The following KAZN variants were observed in gnomAD, a reference collection of about 807,000 sequenced individuals.
KAZN encodes the protein kazrin.
Under a neutral mutation model 87.4 loss-of-function variants are expected in KAZN, and 40 were observed. The observed-to-expected ratio is 0.46, with a 90% confidence interval of 0.36 to 0.60. KAZN has a LOEUF of 0.60. KAZN is among the 20% of genes least tolerant of loss of function. KAZN has a pLI of 0.00. For missense variants in KAZN, 898 were observed against 1,073.9 expected (o/e 0.84, Z 2.29); for synonymous variants, 466 against 458.3 (o/e 1.02, Z -0.22).
intron 1 of KAZN, among the ~76,000 whole-genome samples, chr1:13,963,838 G>A (rs1408804818): frequency 6.6e-6 from 1 of 151,420 alleles, no homozygotes; most frequent in Non-Finnish European, 1.5e-5. Context: ...TATACTGGAT[G>A]TCATAATAGG....
At chr1:14,075,810 G>A (rs901057222) in intron 1 of KAZN, among the ~76,000 whole-genome samples, 7 of 152,104 alleles carry the variant, frequency 4.6e-5, no homozygotes, top group Admixed American at 4.6e-4. Flanking sequence ...AGCATCCTTG[G>A]CCTCTGCCCA....
At chr1:14,724,646 T>C (rs545126932) in intron 1 of KAZN, among the ~76,000 whole-genome samples, 3 of 152,362 alleles carry the variant, frequency 2.0e-5, no homozygotes, top group East Asian at 1.9e-4. Context: ...TATTCCTACT[T>C]GGTGTTCCCA....
chr1:13,988,693 G>A lies in KAZN; in HGVS notation c.91+94937G>A, dbSNP rs1639137077. Among the ~76,000 whole-genome samples, 2 of 152,170 alleles carry A rather than the reference G, an allele frequency of 1.3e-5. 1 individual carries two copies. The highest frequency in any genetic ancestry group is 4.1e-4 in the South Asian group (2 of 4,834). ...TGTGAGTAGGAAGACATGGGAATGG[G>A]CTTGGTGAGCATGTAACAAGTCTCT... On this transcript the variant is annotated intron_variant, in intron 1 of 16. Coordinates refer to the KAZN transcript ENST00000636203.
chr1:14,357,639 T>C (rs1351315049), intron 2 of KAZN, among the ~76,000 whole-genome samples: 1 of 152,218 alleles, frequency 6.6e-6, no homozygotes. Context: ...CGAAGCGGTG[T>C]TGAATTTTAT....
rs1216800252 is a variant in KAZN at position 15,103,409 on chromosome 1, G to A, written c.1830G>A (p.Val610=). The A allele has an allele frequency of 6.4e-7, 1 of 1,552,470 alleles. No individual in the cohort carries two copies. The highest frequency in any genetic ancestry group is 8.7e-7 in the Non-Finnish European group (1 of 1,147,490). The stretch of plus-strand genomic sequence containing the variant: ...GCGAGACGCAGAACATTGACCCCGT[G>A]GTGTGGACCAACCAGCGGGTGCTCA... ...ARCETQNIDP[V]VWTNQRVLKW... is the part of the protein sequence containing the mutation. The change falls in exon 12 of 15, where the codon GTG becomes GTA. Residue 610 remains valine (V), a synonymous_variant. Transcript: ENST00000376030.
At chr1:14,553,360 A>G (rs528649416) in intron 2 of KAZN, among the ~76,000 whole-genome samples, 3 of 152,238 alleles carry the variant, frequency 2.0e-5, no homozygotes, top group Middle Eastern at 3.4e-3. Flanking sequence ...CTCTGCCTCA[A>G]AAAACACATA....
intron 1 of KAZN, among the ~76,000 whole-genome samples, chr1:13,949,507 C>G (rs1197953891): frequency 6.6e-6 from 1 of 151,774 alleles, no homozygotes; most frequent in Non-Finnish European, 1.5e-5. Context: ...GCATGACTTT[C>G]CGTGAGCATC....
chr1:14,346,490 G>T (rs1364385206), intron 2 of KAZN, among the ~76,000 whole-genome samples: 1 of 152,094 alleles, frequency 6.6e-6, no homozygotes, highest in Non-Finnish European at 1.5e-5. Context: ...ATAAGAGTAG[G>T]AGCACAAAGA....
intron 8 of KAZN, among the ~76,000 whole-genome samples, chr1:15,083,415 A>G (rs1640101444): frequency 6.6e-6 from 1 of 152,152 alleles, no homozygotes; most frequent in South Asian, 2.1e-4. Flanking sequence ...ACTCCAGCCC[A>G]GGGCTCACCC....
At chr1:14,875,543 C>A (rs1379437128) in intron 1 of KAZN, among the ~76,000 whole-genome samples, 1 of 151,544 alleles carries the variant, frequency 6.6e-6, no homozygotes, top group Non-Finnish European at 1.5e-5. Context: ...TTTCTTCCTT[C>A]TCCTAATAGT....
At chr1:14,025,158 T>G (rs1180421385) in intron 1 of KAZN, among the ~76,000 whole-genome samples, 1 of 152,214 alleles carries the variant, frequency 6.6e-6, no homozygotes, top group African/African-American at 2.4e-5. Flanking sequence ...TTTTTGCATC[T>G]GAATTTGGAG....
chr1:14,562,254 A>G (rs1353210070), intron 2 of KAZN, among the ~76,000 whole-genome samples: 1 of 152,238 alleles, frequency 6.6e-6, no homozygotes, highest in Non-Finnish European at 1.5e-5. Context: ...GAGTCAAAGC[A>G]TCTGAGACCA....
In KAZN at chr1:15,091,240, G is replaced by C. The variant is rs143465412; in HGVS notation, c.1223-2940G>C. On this transcript the variant is annotated intron_variant, in intron 8 of 14. Coordinates refer to ENST00000376030, the MANE Select transcript of KAZN (RefSeq NM_201628.3). ...TTATATACTAGATTTTCTCCACCTA[G>C]TATATTGTATACACACACGTGTATA... Among the ~76,000 whole-genome samples, 336 of 151,964 alleles carry C rather than the reference G, an allele frequency of 2.2e-3. 1 individual carries two copies. The highest frequency in any genetic ancestry group is 0.014 in the Middle Eastern group (4 of 294).
chr1:14,315,394 C>T (rs1014983531), intron 2 of KAZN, among the ~76,000 whole-genome samples: 3 of 152,100 alleles, frequency 2.0e-5, no homozygotes, highest in African/African-American at 7.2e-5. Flanking sequence ...GTAATAATTA[C>T]ATATAATACA....
chr1:14,894,678 G>T lies in KAZN; in HGVS notation c.227-66006G>T, dbSNP rs753008449. 9.2e-5 allele frequency among the ~76,000 whole-genome samples: 14 copies of T among 152,232 alleles called. 1 individual carries two copies. The highest frequency in any genetic ancestry group is 1.2e-4 in the Non-Finnish European group (8 of 68,042). On this transcript the variant is annotated intron_variant, in intron 1 of 14. Coordinates refer to ENST00000376030, the MANE Select transcript of KAZN (RefSeq NM_201628.3). ...TCTAAGCTTCTTGAACCCGAGAATGGCATCATTCATCTCTGCATTCCCAGT... is the reference window on the plus strand; with the variant it reads ...TCTAAGCTTCTTGAACCCGAGAATGTCATCATTCATCTCTGCATTCCCAGT...
chr1:14,105,063 A>T lies in KAZN; in HGVS notation c.92-75372A>T, dbSNP rs999730458. Among the ~76,000 whole-genome samples, 22 of 152,130 alleles carry T rather than the reference A, an allele frequency of 1.4e-4. 1 individual carries two copies. Among genetic ancestry groups the T allele is most frequent in the African/African-American group, 4.6e-4 (19 of 41,414 alleles). ...GCGCTGGAACTCTGTGTCTCAAGGG[A>T]TACACTGTGCTCTATTTTTGTTTTT... On this transcript the variant is annotated intron_variant, in intron 1 of 16. Transcript: ENST00000636203.
chr1:14,230,084 C>T (rs1320698865), intron 2 of KAZN, among the ~76,000 whole-genome samples: 5 of 152,208 alleles, frequency 3.3e-5, no homozygotes, highest in East Asian at 1.9e-4. Context: ...ATGTGGCTTG[C>T]GTGACCAAGG....
intron 1 of KAZN, among the ~76,000 whole-genome samples, chr1:14,092,127 G>A (rs1644010750): frequency 8.5e-6 from 1 of 117,290 alleles, no homozygotes; most frequent in African/African-American, 3.4e-5. Context: ...GTCTTGCTCT[G>A]TCACCCAGGC....
intron 2 of KAZN, among the ~76,000 whole-genome samples, chr1:15,018,514 G>A (rs1422712957): frequency 6.6e-6 from 1 of 151,220 alleles, no homozygotes; most frequent in Non-Finnish European, 1.5e-5. Context: ...CCGTCATGGG[G>A]TCCCCTGGAA....
Sources: allele counts gnomAD v4.1 joint callset (sites outside exome capture counted in the v4.1 genomes callset), GRCh38; gene constraint gnomAD v4.1.1; transcripts MANE v1.5; gene names NCBI Gene and HGNC (gene_info 2026-07-23, HGNC 2026-07-21).